The following MYLK variants were observed in gnomAD, a reference collection of about 807,000 sequenced individuals.
MYLK encodes myosin light chain kinase, also known as myosin light chain kinase, smooth muscle.
Under a neutral mutation model 203.4 loss-of-function variants are expected in MYLK, and 106 were observed. The ratio of observed to expected loss-of-function variants is 0.52; its 90% confidence interval spans 0.45 to 0.61. The LOEUF (loss-of-function observed/expected upper bound fraction) is 0.61. MYLK is among the 20% of genes least tolerant of loss of function. MYLK has a pLI of 0.00. For synonymous variants in MYLK, 867 were observed against 959.5 expected, an observed-to-expected ratio of 0.90 and a Z score of 1.78; for missense variants, 2,072 against 2,442.3, an observed-to-expected ratio of 0.85 and a Z score of 3.20.
intron 28 of MYLK, chr3:123,639,000 C>T (rs969435135): frequency 1.1e-5 from 11 of 985,348 alleles, no homozygotes; most frequent in African/African-American, 1.7e-5. Flanking sequence ...TCCTGCCTCT[C>T]AGCCCTTTCT....
chr3:123,866,599 G>A (rs1207269193), intron 2 of MYLK, among the ~76,000 whole-genome samples: 1 of 152,124 alleles, frequency 6.6e-6, no homozygotes, highest in East Asian at 1.9e-4. Context: ...ATCAGGATGA[G>A]GTTGAAATTT....
intron 24 of MYLK, among the ~76,000 whole-genome samples, chr3:123,655,280 C>G (rs771322198): frequency 6.6e-6 from 1 of 152,016 alleles, no homozygotes; most frequent in Non-Finnish European, 1.5e-5. Context: ...GCACCTTCTC[C>G]CTCCCCTGTT....
chr3:123,737,626 G>GGGA, intron 7 of MYLK, 83 bp from the exon 8 acceptor site: 2 of 1,564,944 alleles, frequency 1.3e-6, no homozygotes, highest in Non-Finnish European at 1.8e-6. Flanking sequence ...CAATCCTAGT[G>GGGA]GGATAGACTC....
chr3:123,710,064 C>T (rs1356430844), intron 13 of MYLK, among the ~76,000 whole-genome samples, 171 bp from the exon 14 acceptor site: 2 of 152,172 alleles, frequency 1.3e-5, no homozygotes, highest in Non-Finnish European at 2.9e-5. Context: ...GAACAAGATG[C>T]CTCCCATTTC....
chr3:123,802,027 T>C lies in MYLK; in HGVS notation c.-3-8183A>G, dbSNP rs143993984. On this transcript the variant is annotated intron_variant, in intron 3 of 33. Coordinates refer to ENST00000360304, the MANE Select transcript of MYLK (RefSeq NM_053025.4). ...AAACTGCCCCAGTGGCTGGACTAAT[T>C]TACACTCTCACCATGTAATAATGTA... is the stretch of plus-strand genomic sequence containing the variant. 2.5e-3 allele frequency among the ~76,000 whole-genome samples: 381 copies of C among 152,342 alleles called. 2 individuals carry two copies. The highest frequency in any genetic ancestry group is 3.7e-3 in the South Asian group (18 of 4,826).
chr3:123,628,350 G>A (rs554038397), intron 30 of MYLK, among the ~76,000 whole-genome samples: 1 of 152,146 alleles, frequency 6.6e-6, no homozygotes, highest in African/African-American at 2.4e-5. Flanking sequence ...GGGAGCCATC[G>A]GCAGCCCCGC....
chr3:123,834,134 C>T (rs1057466943), intron 2 of MYLK, among the ~76,000 whole-genome samples: 2 of 152,178 alleles, frequency 1.3e-5, no homozygotes, highest in Non-Finnish European at 2.9e-5. Flanking sequence ...CAACCTCTGC[C>T]TCCCATGTTC....
intron 2 of MYLK, among the ~76,000 whole-genome samples, chr3:123,850,295 T>C (rs1447067290): frequency 6.6e-6 from 1 of 152,216 alleles, no homozygotes; most frequent in East Asian, 1.9e-4. Flanking sequence ...TATTTCTAAT[T>C]CTAGATCCTT....
At chr3:123,704,962 G>A (rs376717971) in intron 16 of MYLK, among the ~76,000 whole-genome samples, 2 of 152,266 alleles carry the variant, frequency 1.3e-5, no homozygotes. Flanking sequence ...CCTGGCAAGT[G>A]TCAAGTGTTT....
chr3:123,819,186 G>A (rs1418324252), intron 3 of MYLK, among the ~76,000 whole-genome samples: 1 of 152,176 alleles, frequency 6.6e-6, no homozygotes, highest in Non-Finnish European at 1.5e-5. Context: ...GCAAGCAGAG[G>A]CACTGACTGC....
chr3:123,774,711 C>T (rs943109308), intron 4 of MYLK, among the ~76,000 whole-genome samples: 11 of 152,192 alleles, frequency 7.2e-5, no homozygotes, highest in African/African-American at 2.4e-4. Flanking sequence ...AAACACCACA[C>T]CCTTATTTTG....
At position 123,613,945 on chromosome 3, in the gene MYLK, G is replaced by A. The variant is rs2057320212; in HGVS notation, c.*160C>T. 2 of 803,178 alleles carry A rather than the reference G, an allele frequency of 2.5e-6. No individual in the cohort carries two copies. The highest frequency in any genetic ancestry group is 4.1e-6 in the Non-Finnish European group (2 of 489,420). 49.8% of individuals were successfully genotyped at this position (803,178 alleles called of 1,614,324 possible). On this transcript the variant is annotated 3_prime_UTR_variant, in exon 34 of 34. Transcript: ENST00000360304. ...TTAATGCCCATCAATAACGCTGCTA[G>A]GTATCAACTGCTGTTTCTGAAGAAT... is the stretch of plus-strand genomic sequence containing the variant.
At chr3:123,732,246 T>C (rs1280358638) in intron 11 of MYLK, among the ~76,000 whole-genome samples, 2 of 152,220 alleles carry the variant, frequency 1.3e-5, no homozygotes, top group Non-Finnish European at 2.9e-5. Flanking sequence ...AACAATTTAA[T>C]TATTCAACAA....
intron 16 of MYLK, among the ~76,000 whole-genome samples, chr3:123,704,142 A>G (rs918838059): frequency 6.6e-6 from 1 of 152,248 alleles, no homozygotes; most frequent in African/African-American, 2.4e-5. Flanking sequence ...AAGGGGTCAG[A>G]GAAAGGTGGA....
intron 2 of MYLK, among the ~76,000 whole-genome samples, chr3:123,851,700 T>C (rs2030824136): frequency 6.6e-6 from 1 of 152,116 alleles, no homozygotes; most frequent in East Asian, 1.9e-4. Context: ...ACAGGGACAA[T>C]TTGACTTCCT....
intron 21 of MYLK, chr3:123,666,776 G>C: frequency 1.9e-6 from 1 of 523,874 alleles, no homozygotes; most frequent in Non-Finnish European, 3.4e-6. Flanking sequence ...AGGACACACA[G>C]AGCTGGGCAC....
At chr3:123,840,370 T>TTATATATATATATATATATATATATA (rs56361020) in intron 2 of MYLK, among the ~76,000 whole-genome samples, 3 of 148,716 alleles carry the variant, frequency 2.0e-5, no homozygotes, top group African/African-American at 7.4e-5. Flanking sequence ...CCTACAGACA[T>TTATATATATATATATATATATATATA]TATATATATA....
chr3:123,798,260 G>A (rs527687897), intron 3 of MYLK, among the ~76,000 whole-genome samples: 1 of 152,238 alleles, frequency 6.6e-6, no homozygotes, highest in Admixed American at 6.5e-5. Flanking sequence ...TGATTACAAA[G>A]TCAAAATCTG....
At chr3:123,877,674 T>C (rs1348723335) in intron 1 of MYLK, among the ~76,000 whole-genome samples, 3 of 152,184 alleles carry the variant, frequency 2.0e-5, no homozygotes, top group Admixed American at 1.3e-4. Flanking sequence ...CAGAGGCAGG[T>C]TGCAAGATAA....
Sources: gnomAD v4.1 joint callset for allele counts (sites outside exome capture counted in the v4.1 genomes callset) on GRCh38, gnomAD v4.1.1 for gene constraint, MANE v1.5 for transcripts, NCBI Gene and HGNC (gene_info 2026-07-23, HGNC 2026-07-21) for gene names.